Variants in HRH1 observed in about 807,000 individuals in gnomAD.
HRH1 encodes the protein histamine receptor H1, also known as histamine H1 receptor.
Under a neutral mutation model 10.3 loss-of-function variants are expected in HRH1, and 6 were observed. The ratio of observed to expected loss-of-function variants is 0.58; its 90% CI spans 0.32 to 1.15. The LOEUF is 1.15. Ranked by LOEUF, HRH1 falls within the 50% of genes most tolerant of loss-of-function variation. The pLI is 0.05. For missense variants in HRH1, 514 were observed against 615.3 expected, an observed-to-expected ratio of 0.84 and a Z score of 1.74; for synonymous variants, 242 against 236.7, an observed-to-expected ratio of 1.02 and a Z score of -0.21.
At chr3:11,241,730 G>A (rs555168101) in intron 1 of HRH1, among the ~76,000 whole-genome samples, 10 of 152,074 alleles carry the variant, frequency 6.6e-5, no homozygotes, top group South Asian at 6.2e-4. Context: ...CAGCTACTCC[G>A]GAGGCTGAGC....
upstream of HRH1, among the ~76,000 whole-genome samples, chr3:11,152,727 G>C (rs1471004877): frequency 6.6e-6 from 1 of 151,614 alleles, no homozygotes. Flanking sequence ...TATCCTGAGT[G>C]CTAACTCGGT....
chr3:11,166,409 C>T (rs1318006154), intron 1 of HRH1, among the ~76,000 whole-genome samples: 7 of 152,238 alleles, frequency 4.6e-5, no homozygotes, highest in African/African-American at 9.6e-5. Flanking sequence ...TGAGCACTTC[C>T]GGTGTATGAG....
chr3:11,196,676 A>G lies in HRH1; in HGVS notation c.-36+42122A>G, dbSNP rs567786126. Among the ~76,000 whole-genome samples the G allele has an allele frequency of 2.0e-5, 3 of 152,184 alleles. No homozygotes were observed. The East Asian group carries it at 5.8e-4, about 30-fold the overall frequency. ...TCTCTCAGAGCCCTTCAGCCCATAT[A>G]AAATATTTGAGAAGCTGCCCTTTTG... On this transcript the variant is annotated intron_variant, in intron 1 of 1. Transcript: ENST00000431010.
chr3:11,184,159 C>T (rs1419901454), intron 1 of HRH1, among the ~76,000 whole-genome samples: 1 of 152,152 alleles, frequency 6.6e-6, no homozygotes, highest in Non-Finnish European at 1.5e-5. Context: ...CACCTTCCAC[C>T]TCCAACTCAA....
chr3:11,206,466 C>T (rs975860795), intron 1 of HRH1, among the ~76,000 whole-genome samples: 1 of 152,258 alleles, frequency 6.6e-6, no homozygotes, highest in African/African-American at 2.4e-5. Context: ...CCTGGACTTC[C>T]TCCCAGCACT....
rs199524641 is a variant in HRH1 at position 11,261,256 on chromosome 3, A to G, written c.*755A>G. On this transcript the variant is annotated 3_prime_UTR_variant, in exon 2 of 2. Coordinates refer to ENST00000431010, the MANE Select transcript of HRH1 (RefSeq NM_001098212.2). ...AAAGTGGTGGCAAAAGACATCCTCA[A>G]AAGAAAGAGAAATGAAATATTTTTG... 6.0e-6 allele frequency: 1 copy of G among 167,198 alleles called. No homozygotes were observed. The highest frequency in any genetic ancestry group is 2.4e-5 in the African/African-American group (1 of 41,592). 10.4% of individuals were successfully genotyped at this position (167,198 alleles called of 1,614,324 possible). A position where few individuals can be genotyped will look rare whatever the true frequency, so the allele number is the denominator to read the frequency against.
chr3:11,238,358 G>C (rs1939243082), intron 1 of HRH1, among the ~76,000 whole-genome samples: 1 of 152,070 alleles, frequency 6.6e-6, no homozygotes, highest in South Asian at 2.1e-4. Context: ...TCTAAATCTT[G>C]GTTCTGGCTA....
Position 11,230,487 on chromosome 3 carries a change from G to C in HRH1, c.-35-28516G>C, listed in dbSNP as rs537242179. Among the ~76,000 whole-genome samples, 52 of 152,244 alleles carry C rather than the reference G, an allele frequency of 3.4e-4. 1 individual carries two copies. Among genetic ancestry groups the C allele is most frequent in the African/African-American group, 1.3e-3 (52 of 41,530 alleles). On this transcript the variant is annotated intron_variant, in intron 1 of 1. Transcript: ENST00000431010. The stretch of plus-strand genomic sequence containing the variant: ...GTACGATATATTTCACAGTTCCTCT[G>C]ATAATTCTTATGAACCCAACCTGGA...
intron 1 of HRH1, among the ~76,000 whole-genome samples, chr3:11,241,809 C>T (rs1345505988): frequency 6.7e-6 from 1 of 150,174 alleles, no homozygotes; most frequent in Non-Finnish European, 1.5e-5. Flanking sequence ...GCATTCCAGC[C>T]TGGGGGACAG....
chr3:11,259,538 C>T lies in HRH1; in HGVS notation c.501C>T (p.His167=), dbSNP rs199824618. The T allele has an allele frequency of 2.5e-6, 4 of 1,614,152 alleles. No homozygotes were observed. The highest frequency in any genetic ancestry group is 8.5e-7 in the Non-Finnish European group (1 of 1,180,030). The change falls in exon 2 of 2, where the codon CAC becomes CAT. Residue 167 remains histidine, a synonymous_variant. Transcript: ENST00000431010. The surrounding 1 kb of genome is among the most constrained non-coding windows in gnomAD (Gnocchi z 4.6). ...TTATTCCCATTCTAGGCTGGAATCA[C>T]TTCATGCAGCAGACCTCGGTGCGCC... ...LWVIPILGWN[H]FMQQTSVRRE...
chr3:11,156,954 A>AAAT (rs1936817452), intron 1 of HRH1, among the ~76,000 whole-genome samples: 4 of 152,218 alleles, frequency 2.6e-5, no homozygotes, highest in Non-Finnish European at 5.9e-5. Flanking sequence ...CTGAGACTTG[A>AAAT]AGTCTCAGTG....
rs1163042460 is a variant in HRH1, at chr3:11,260,260, AC to A, written c.1225del (p.Arg409AlafsTer55). The A allele has an allele frequency of 4.3e-6, 7 of 1,614,146 alleles. No individual in the cohort carries two copies. Among genetic ancestry groups the A allele is most frequent in the Non-Finnish European group, 5.9e-6 (7 of 1,180,026 alleles). On this transcript the variant is annotated frameshift_variant, in exon 2 of 2. Transcript: ENST00000431010. LOFTEE classifies it high-confidence loss of function. ...SRQYVSGLHM[N>X]RERKAAKQLG... Reference sequence around the variant, plus strand: ...CAGTATGTATCTGGGTTGCACATGAACCGCGAAAGGAAGGCCGCCAAACAGT... The same window carrying A: ...CAGTATGTATCTGGGTTGCACATGAACGCGAAAGGAAGGCCGCCAAACAGT...
At chr3:11,183,061 C>G (rs534932176) in intron 1 of HRH1, among the ~76,000 whole-genome samples, 1 of 152,250 alleles carries the variant, frequency 6.6e-6, no homozygotes. Context: ...CCTCCCGCCC[C>G]CTGGCCATCT....
At chr3:11,196,285 T>C (rs1162152889) in intron 1 of HRH1, among the ~76,000 whole-genome samples, 1 of 152,198 alleles carries the variant, frequency 6.6e-6, no homozygotes, top group African/African-American at 2.4e-5. Context: ...CTTGTGCCAT[T>C]CCTTCATCCT....
chr3:11,218,351 G>A (rs1043650372), intron 1 of HRH1, among the ~76,000 whole-genome samples: 2 of 151,770 alleles, frequency 1.3e-5, no homozygotes, highest in South Asian at 4.2e-4. Context: ...AGGAGGCTGA[G>A]GCAGGAGAAT....
chr3:11,212,919 CATAG>C (rs1938374415), intron 1 of HRH1, among the ~76,000 whole-genome samples: 1 of 152,170 alleles, frequency 6.6e-6, no homozygotes, highest in African/African-American at 2.4e-5. Context: ...TCCAACATAC[CATAG>C]ATGTGCCCAC....
chr3:11,187,041 G>C (rs1034382901), intron 1 of HRH1, among the ~76,000 whole-genome samples: 17 of 152,144 alleles, frequency 1.1e-4, no homozygotes, highest in African/African-American at 4.1e-4. Context: ...GTACTGGAAG[G>C]TATGACGTTC....
At chr3:11,163,166 C>T (rs949686587) in intron 1 of HRH1, among the ~76,000 whole-genome samples, 56 of 152,144 alleles carry the variant, frequency 3.7e-4, no homozygotes, top group African/African-American at 1.3e-3. Context: ...CGAGCTCCTC[C>T]CCACTGTGCA....
intron 1 of HRH1, among the ~76,000 whole-genome samples, chr3:11,227,431 C>T (rs1047050136): frequency 8.5e-5 from 13 of 152,098 alleles, no homozygotes; most frequent in East Asian, 1.9e-4. Context: ...AGATTACAGG[C>T]GCCCGCCACC....
Sources: gnomAD v4.1 joint callset for allele counts (sites outside exome capture counted in the v4.1 genomes callset) on GRCh38, gnomAD v4.1.1 for gene constraint, Gnocchi (gnomAD v3.1) non-coding constraint, MANE v1.5 for transcripts, NCBI Gene and HGNC (gene_info 2026-07-23, HGNC 2026-07-21) for gene names.